PDHX: variants seen among roughly 807,000 people sequenced by gnomAD.
The protein encoded by PDHX is pyruvate dehydrogenase complex component X.
A neutral mutation model predicts 55.3 loss-of-function variants in PDHX; 33 were observed. The ratio of observed to expected loss-of-function variants is 0.60; its 90% CI spans 0.45 to 0.80. PDHX has a LOEUF of 0.80. PDHX is among the 30% of genes least tolerant of loss of function. The pLI, the probability that PDHX is intolerant of heterozygous loss-of-function variation, is 0.00. For missense variants in PDHX, 622 were observed against 619.9 expected (o/e 1.00, Z -0.04); for synonymous variants, 226 against 219.4 (o/e 1.03, Z -0.27).
At chr11:34,926,175 A>G (rs1360818045) in intron 1 of PDHX, among the ~76,000 whole-genome samples, 6 of 152,222 alleles carry the variant, frequency 3.9e-5, no homozygotes, top group Non-Finnish European at 5.9e-5. Flanking sequence ...AAAACAAAAA[A>G]TACTATAACT....
At chr11:34,925,886 A>G (rs1854007349) in intron 1 of PDHX, among the ~76,000 whole-genome samples, 1 of 152,358 alleles carries the variant, frequency 6.6e-6, no homozygotes, top group African/African-American at 2.4e-5. Flanking sequence ...ACCAGTAAGA[A>G]TAATGAATGC....
At chr11:34,974,674 C>G (rs1250550328) in intron 7 of PDHX, among the ~76,000 whole-genome samples, 1 of 152,100 alleles carries the variant, frequency 6.6e-6, no homozygotes, top group African/African-American at 2.4e-5. Context: ...CCCTGTAATC[C>G]TATCACTTTG....
rs749940568 is a variant in PDHX at position 34,960,523 on chromosome 11, G to A, written c.641+5G>A. On this transcript the variant is annotated splice_donor_5th_base_variant and intron_variant, in intron 5 of 10. Coordinates refer to ENST00000227868, the MANE Select transcript of PDHX (RefSeq NM_003477.3). ...TCGGGGGATATTCACTAAAGAGTAT[G>A]TGTTTGCTTTTTGTAATAACCAGTT... 2 of 1,545,586 alleles carry A rather than the reference G, an allele frequency of 1.3e-6. No individual in the cohort carries two copies. Among genetic ancestry groups the A allele is most frequent in the East Asian group, 2.3e-5 (1 of 44,282 alleles).
intron 2 of PDHX, among the ~76,000 whole-genome samples, chr11:34,946,364 C>T (rs1048113184): frequency 7.2e-5 from 11 of 152,082 alleles, no homozygotes; most frequent in South Asian, 6.2e-4. Context: ...ACTTATTTTA[C>T]AATCTTTGAC....
intron 1 of PDHX, among the ~76,000 whole-genome samples, chr11:34,929,870 AG>A (rs2133945037): frequency 6.6e-6 from 1 of 152,312 alleles, no homozygotes; most frequent in Non-Finnish European, 1.5e-5. Context: ...GTTGAGAGAG[AG>A]AAAGGGTAAG....
intron 2 of PDHX, among the ~76,000 whole-genome samples, chr11:34,933,146 C>G (rs1220283799): frequency 6.6e-6 from 1 of 152,156 alleles, no homozygotes; most frequent in African/African-American, 2.4e-5. Context: ...TGTTTTGTCT[C>G]TTTGACTTTG....
At chr11:34,938,243 A>T (rs1294204293) in intron 2 of PDHX, among the ~76,000 whole-genome samples, 2 of 152,220 alleles carry the variant, frequency 1.3e-5, no homozygotes, top group East Asian at 3.8e-4. Flanking sequence ...TAAAATGAAA[A>T]TTATTCAATA....
At chr11:34,994,231 A>T (rs940843567) in intron 10 of PDHX, among the ~76,000 whole-genome samples, 1 of 152,202 alleles carries the variant, frequency 6.6e-6, no homozygotes, top group Non-Finnish European at 1.5e-5. Flanking sequence ...TTGCTCCTAG[A>T]CTGCAAACCT....
At chr11:34,927,194 A>G (rs1590729659) in intron 1 of PDHX, among the ~76,000 whole-genome samples, 1 of 149,610 alleles carries the variant, frequency 6.7e-6, no homozygotes, top group East Asian at 2.0e-4. Flanking sequence ...CTAGCTTTAT[A>G]AGAAGGAGCA....
chr11:34,968,322 G>A (rs1219739258), intron 6 of PDHX, among the ~76,000 whole-genome samples: 4 of 151,510 alleles, frequency 2.6e-5, no homozygotes. Context: ...AATTCTTATG[G>A]TATGTAGAGA....
chr11:34,992,330 G>A lies in PDHX; in HGVS notation c.1198G>A (p.Ala400Thr). The change falls in exon 10 of 11, where the codon GCA (alanine) becomes ACA (threonine). Residue 400 changes from alanine to threonine, a missense_variant. By Grantham distance (58) the Ala-to-Thr change is moderately conservative. Coordinates refer to ENST00000227868, the MANE Select transcript of PDHX (RefSeq NM_003477.3). ...ADSVKALSKK[A>T]RDGKLLPEEY... is the part of the protein sequence containing the mutation. ...TTTTTCTCAGGCTCTATCAAAGAAA[G>A]CAAGAGATGGAAAATTGTTGCCTGA... The A allele has an allele frequency of 1.2e-6, 2 of 1,602,018 alleles. No individual in the cohort carries two copies. Among genetic ancestry groups the A allele is most frequent in the South Asian group, 1.1e-5 (1 of 90,764 alleles).
chr11:34,981,321 G>T (rs1369013168), intron 8 of PDHX, among the ~76,000 whole-genome samples: 2 of 152,066 alleles, frequency 1.3e-5, no homozygotes, highest in Non-Finnish European at 2.9e-5. Flanking sequence ...CCCTACAAAG[G>T]ACATGAACTC....
intron 2 of PDHX, among the ~76,000 whole-genome samples, chr11:34,943,404 A>C (rs1854538585): frequency 6.6e-6 from 1 of 152,148 alleles, no homozygotes; most frequent in South Asian, 2.1e-4. Context: ...ACAAATGATG[A>C]TATAGCATCA....
chr11:34,989,907 G>A (rs1246749456), intron 9 of PDHX, among the ~76,000 whole-genome samples: 2 of 152,126 alleles, frequency 1.3e-5, no homozygotes, highest in Non-Finnish European at 2.9e-5. Flanking sequence ...GTTGCTTGGT[G>A]AATTTATTTT....
At chr11:34,987,423 C>T (rs1338702701) in intron 9 of PDHX, among the ~76,000 whole-genome samples, 1 of 152,056 alleles carries the variant, frequency 6.6e-6, no homozygotes, top group Non-Finnish European at 1.5e-5. Flanking sequence ...GAGAAACAGG[C>T]ACCTTGCATG....
At chr11:34,950,682 A>G (rs905030417) in intron 3 of PDHX, among the ~76,000 whole-genome samples, 1 of 151,462 alleles carries the variant, frequency 6.6e-6, no homozygotes, top group Non-Finnish European at 1.5e-5. Context: ...AGTTTCATCC[A>G]TGTCCCTACA....
chr11:34,951,413 T>G (rs1300759675), intron 3 of PDHX, among the ~76,000 whole-genome samples: 1 of 152,096 alleles, frequency 6.6e-6, no homozygotes, highest in Non-Finnish European at 1.5e-5. Context: ...TGGTATCTCA[T>G]TGTGGTTTTG....
At chr11:34,975,856 A>G (rs572260533) in intron 7 of PDHX, among the ~76,000 whole-genome samples, 1 of 152,296 alleles carries the variant, frequency 6.6e-6, no homozygotes, top group East Asian at 1.9e-4. Context: ...AACTTTCTAC[A>G]TCCCAGGTGA....
chr11:34,963,265 T>TG (rs1323464530), intron 5 of PDHX, among the ~76,000 whole-genome samples: 1 of 152,178 alleles, frequency 6.6e-6, no homozygotes, highest in Non-Finnish European at 1.5e-5. Flanking sequence ...TTTTTATTTT[T>TG]TAACGTTTTG....
Sources: gnomAD v4.1 joint callset for allele counts (sites outside exome capture counted in the v4.1 genomes callset) on GRCh38, gnomAD v4.1.1 for gene constraint, MANE v1.5 for transcripts, NCBI Gene and HGNC (gene_info 2026-07-23, HGNC 2026-07-21) for gene names.